The following COL23A1 variants were observed in gnomAD, a reference collection of about 807,000 sequenced individuals.
The protein encoded by COL23A1 is collagen alpha-1(XXIII) chain.
COL23A1 carries 97 observed loss-of-function variants against 99.3 expected under a neutral mutation model. The ratio of observed to expected loss-of-function variants is 0.98; its 90% CI spans 0.83 to 1.16. The LOEUF is 1.16. COL23A1 is among the 50% of genes most tolerant of loss of function. The pLI is 0.00. For missense variants in COL23A1, 762 were observed against 757.4 expected (o/e 1.01, Z -0.07); for synonymous variants, 320 against 308.2 (o/e 1.04, Z -0.40).
intron 2 of COL23A1, among the ~76,000 whole-genome samples, chr5:178,377,162 G>A (rs1763115105): frequency 6.6e-6 from 1 of 152,218 alleles, no homozygotes; most frequent in African/African-American, 2.4e-5. Flanking sequence ...GCAGTGGGCA[G>A]CGGGTAGGAA....
chr5:178,358,719 A>ATGTGTATG (rs1407058600), intron 2 of COL23A1, among the ~76,000 whole-genome samples: 1 of 102,792 alleles, frequency 9.7e-6, no homozygotes, highest in Non-Finnish European at 2.2e-5. Context: ...GTATGTGTGT[A>ATGTGTATG]TGTGTATGTG....
chr5:178,518,766 C>T (rs1212280105), intron 2 of COL23A1, among the ~76,000 whole-genome samples: 4 of 150,012 alleles, frequency 2.7e-5, no homozygotes, highest in African/African-American at 4.9e-5. Flanking sequence ...GCTGCAATCT[C>T]GGCACTTTGG....
At chr5:178,442,069 T>C (rs1018057543) in intron 2 of COL23A1, among the ~76,000 whole-genome samples, 51 of 152,140 alleles carry the variant, frequency 3.4e-4, no homozygotes, top group African/African-American at 1.2e-3. Flanking sequence ...GACGTCCAAC[T>C]GAGAAACCAC....
At chr5:178,491,283 T>C (rs575899845) in intron 2 of COL23A1, among the ~76,000 whole-genome samples, 65 of 152,240 alleles carry the variant, frequency 4.3e-4, no homozygotes, top group African/African-American at 1.4e-3. Flanking sequence ...CAGCCTCTCC[T>C]AATTACACGG....
chr5:178,537,262 G>A (rs1239519737), intron 2 of COL23A1, among the ~76,000 whole-genome samples: 3 of 146,718 alleles, frequency 2.0e-5, no homozygotes, highest in Non-Finnish European at 4.7e-5. Context: ...TTCCTGCGAG[G>A]CCCCCTCCCT....
chr5:178,247,660 C>A, intron 21 of COL23A1, 108 bp from the exon 22 acceptor site: 2 of 1,557,918 alleles, frequency 1.3e-6, no homozygotes, highest in East Asian at 4.5e-5. Context: ...CCCATGTGCC[C>A]CTCCCTGAAC....
At chr5:178,403,636 C>G (rs4976775) in intron 2 of COL23A1, among the ~76,000 whole-genome samples, 48,543 of 152,136 alleles carry the variant, frequency 0.32, 8,055 homozygotes, top group South Asian at 0.45. Flanking sequence ...AGGCCAAGAT[C>G]TTCAGGTACC....
At chr5:178,330,399 G>A (rs1759949196) in intron 2 of COL23A1, among the ~76,000 whole-genome samples, 1 of 152,210 alleles carries the variant, frequency 6.6e-6, no homozygotes, top group South Asian at 2.1e-4. Context: ...GCCCATGCCT[G>A]TAATCCCAGT....
chr5:178,353,964 C>A (rs988322204), intron 2 of COL23A1, among the ~76,000 whole-genome samples: 2 of 150,330 alleles, frequency 1.3e-5, no homozygotes, highest in African/African-American at 2.4e-5. Flanking sequence ...ACCAAAAAAA[C>A]CCCAACAAAA....
At chr5:178,532,872 G>A (rs1010240779) in intron 2 of COL23A1, among the ~76,000 whole-genome samples, 1 of 152,182 alleles carries the variant, frequency 6.6e-6, no homozygotes, top group African/African-American at 2.4e-5. Context: ...CTACAAGCCA[G>A]GAAGAGAGGC....
intron 2 of COL23A1, among the ~76,000 whole-genome samples, chr5:178,501,438 A>G (rs1270025245): frequency 6.6e-6 from 1 of 152,084 alleles, no homozygotes; most frequent in African/African-American, 2.4e-5. Context: ...AAAATTAGCC[A>G]GGCATGGTGG....
intron 2 of COL23A1, among the ~76,000 whole-genome samples, chr5:178,436,198 G>T (rs1766553153): frequency 6.6e-6 from 1 of 152,200 alleles, no homozygotes; most frequent in African/African-American, 2.4e-5. Flanking sequence ...GGGTGAGGTA[G>T]CCCAGACCCC....
At chr5:178,410,361 GA>G (rs1466357401) in intron 2 of COL23A1, among the ~76,000 whole-genome samples, 2 of 152,148 alleles carry the variant, frequency 1.3e-5, no homozygotes, top group African/African-American at 4.8e-5. Context: ...TGCAAAAATG[GA>G]GAAGCCAATC....
intron 2 of COL23A1, among the ~76,000 whole-genome samples, chr5:178,420,729 G>T (rs1231067522): frequency 1.5e-5 from 2 of 134,150 alleles, no homozygotes; most frequent in Non-Finnish European, 3.2e-5. Flanking sequence ...CTGTCCTTCG[G>T]GCTACAGCAC....
intron 2 of COL23A1, among the ~76,000 whole-genome samples, chr5:178,379,425 C>T (rs182691262): frequency 5.1e-4 from 78 of 152,256 alleles, no homozygotes; most frequent in African/African-American, 1.9e-3. Flanking sequence ...ACACATGAAT[C>T]TGGTAATAGT....
At chr5:178,419,327 G>A (rs1465277862) in intron 2 of COL23A1, among the ~76,000 whole-genome samples, 1 of 152,220 alleles carries the variant, frequency 6.6e-6, no homozygotes, top group Admixed American at 6.5e-5. Context: ...GAGGGTCAGT[G>A]GCTGAGGACA....
rs1561896927 is a variant in COL23A1 at position 178,358,264 on chromosome 5, G to GTGTATGTATA, written c.362-51346_362-51345insTATACATACA. Among the ~76,000 whole-genome samples, 31 of 143,804 alleles carry GTGTATGTATA rather than the reference G, an allele frequency of 2.2e-4. 3 individuals carry two copies. The highest frequency in any genetic ancestry group is 4.6e-4 in the Non-Finnish European group (30 of 65,870). 94.3% of individuals were successfully genotyped at this position (143,804 alleles called of 152,430 possible). A position where few individuals can be genotyped will look rare whatever the true frequency, so the allele number is the denominator to read the frequency against. On this transcript the variant is annotated intron_variant, in intron 2 of 28. Coordinates refer to ENST00000390654, the MANE Select transcript of COL23A1 (RefSeq NM_173465.4). ...TATGTGTATGTGTGTGTATGTATAT[G>GTGTATGTATA]TGTGTATATGTGTGTATGCGTGTGC...
intron 10 of COL23A1, 56 bp downstream of exon 10, chr5:178,262,161 G>T: frequency 6.5e-7 from 1 of 1,544,752 alleles, no homozygotes. Flanking sequence ...GGGGCTTCCA[G>T]GTCTGGGAAC....
chr5:178,385,290 C>T (rs562846547), intron 2 of COL23A1, among the ~76,000 whole-genome samples: 107 of 152,318 alleles, frequency 7.0e-4, no homozygotes, highest in Non-Finnish European at 1.4e-3. Flanking sequence ...TTCCCTCCCC[C>T]CAGGTCTCAG....
Sources: allele counts gnomAD v4.1 joint callset (sites outside exome capture counted in the v4.1 genomes callset), GRCh38; gene constraint gnomAD v4.1.1; transcripts MANE v1.5; gene names NCBI Gene and HGNC (gene_info 2026-07-23, HGNC 2026-07-21).